Variants in FDFT1 observed in about 807,000 individuals in gnomAD.
FDFT1 encodes squalene synthase.
In FDFT1, 68 loss-of-function variants were observed where a neutral mutation model predicts 46.8. The ratio of observed to expected loss-of-function variants is 1.45; its 90% CI spans 1.19 to 1.78. The LOEUF (loss-of-function observed/expected upper bound fraction) is 1.78, where lower values mean the gene tolerates loss of function less well. Among genes scored for constraint, FDFT1 ranks in the 40% most tolerant of loss-of-function variants. The pLI, the probability that FDFT1 is intolerant of heterozygous loss-of-function variation, is 0.00. For synonymous variants in FDFT1, 351 were observed against 185.1 expected (o/e 1.90, Z -7.28); for missense variants, 928 against 524.4 (o/e 1.77, Z -7.52).
At chr8:11,816,428 G>A (rs1052104698) in intron 3 of FDFT1, among the ~76,000 whole-genome samples, 1 of 152,132 alleles carries the variant, frequency 6.6e-6, no homozygotes, top group Non-Finnish European at 1.5e-5. Flanking sequence ...GCTTGATGGG[G>A]ATAGCATTGA....
chr8:11,825,392 T>A (rs112315893), intron 4 of FDFT1, among the ~76,000 whole-genome samples: 20,322 of 151,934 alleles, frequency 0.13, 1,472 homozygotes, highest in Middle Eastern at 0.16. Context: ...AAATAAAAAA[T>A]TAGCTGGATG....
intron 7 of FDFT1, among the ~76,000 whole-genome samples, chr8:11,837,779 C>T (rs1296865366): frequency 2.0e-5 from 3 of 152,128 alleles, no homozygotes; most frequent in Middle Eastern, 3.2e-3. Flanking sequence ...ACTGAGATAG[C>T]TCATCTGAGA....
intron 2 of FDFT1, chr8:11,809,458 T>C (rs1807394633): frequency 7.8e-7 from 1 of 1,290,182 alleles, no homozygotes; most frequent in East Asian, 3.1e-5. Flanking sequence ...CTAGTAGGCT[T>C]TTTAATAAAC....
At chr8:11,823,291 G>C (rs1428884441) in intron 4 of FDFT1, among the ~76,000 whole-genome samples, 1 of 152,064 alleles carries the variant, frequency 6.6e-6, no homozygotes, top group Non-Finnish European at 1.5e-5. Flanking sequence ...GGGGGAAGAT[G>C]AATTATATAA....
chr8:11,808,857 G>A lies in FDFT1; in HGVS notation c.163G>A (p.Ala55Thr), dbSNP rs767263162. Residue 55 changes from alanine (A) to threonine (T), a missense_variant, in exon 2 of 8, where the codon GCA becomes ACA. Transcript: ENST00000220584. The stretch of plus-strand genomic sequence containing the variant: ...TCTCAATCAGACCAGTCGCAGTTTC[G>A]CAGCTGTTATCCAGGCGCTGGATGG... ...KYLNQTSRSF[A>T]AVIQALDGEM... 6 of 1,614,032 alleles carry A rather than the reference G, an allele frequency of 3.7e-6. No homozygotes were observed. The highest frequency in any genetic ancestry group is 2.2e-5 in the East Asian group (1 of 44,880).
Position 11,838,475 on chromosome 8 carries a change from T to A in FDFT1, c.1120T>A (p.Cys374Ser), listed in dbSNP as rs775446844. The A allele has an allele frequency of 6.2e-7, 1 of 1,606,336 alleles. No individual in the cohort carries two copies. Residue 374 changes from cysteine to serine, a missense_variant, in exon 8 of 8, where the codon TGT becomes AGT. By Grantham distance (112) the Cys-to-Ser change is moderately radical (BLOSUM62 -1). Transcript: ENST00000220584. ...STIRTQNLPN[C>S]QLISRSHYSP... is the part of the protein sequence containing the mutation. ...CATCCGGACGCAGAATCTTCCCAAC[T>A]GTCAGCTGATTTCCCGAAGCCACTA... is the stretch of plus-strand genomic sequence containing the variant.
chr8:11,808,908 G>T lies in FDFT1; in HGVS notation c.197+17G>T, dbSNP rs374069244. On this transcript the variant is annotated intron_variant, in intron 2 of 7. Transcript: ENST00000220584. ...GGAAATGCGGTGAGTGATGGAGGCAGCGCCTCTGGCTTGGAGGAAAGCTTG... is the reference window on the plus strand; with the variant it reads ...GGAAATGCGGTGAGTGATGGAGGCATCGCCTCTGGCTTGGAGGAAAGCTTG... 4.9e-5 allele frequency: 79 copies of T among 1,610,396 alleles called. 1 individual carries two copies. In the South Asian group the frequency reaches 8.3e-4, roughly 17 times the overall value.
intron 2 of FDFT1, 31 bp from the exon 3 acceptor site, chr8:11,809,636 C>T (rs780448148): frequency 9.1e-6 from 14 of 1,546,514 alleles, no homozygotes; most frequent in Non-Finnish European, 1.2e-5. Flanking sequence ...CTGTTTGTTC[C>T]AATATATTAA....
intron 1 of FDFT1, chr8:11,803,456 C>T (rs978925293): frequency 2.3e-6 from 3 of 1,279,102 alleles, no homozygotes; most frequent in South Asian, 1.3e-5. Flanking sequence ...AATCGCCTAT[C>T]TACGCTTCCA....
intron 1 of FDFT1, among the ~76,000 whole-genome samples, chr8:11,804,048 TGAC>T (rs769837605): frequency 1.1e-4 from 16 of 152,258 alleles, no homozygotes; most frequent in East Asian, 3.8e-4. Flanking sequence ...AACAAATATT[TGAC>T]GACCAGTTGT....
chr8:11,823,028 C>G (rs1242973722), intron 4 of FDFT1, among the ~76,000 whole-genome samples: 2 of 152,052 alleles, frequency 1.3e-5, no homozygotes, highest in East Asian at 3.9e-4. Flanking sequence ...GATCACGGCT[C>G]CCCGCAGCCT....
At chr8:11,803,551 G>T in intron 1 of FDFT1, 1 of 1,083,000 alleles carries the variant, frequency 9.2e-7, no homozygotes, top group South Asian at 1.6e-5. Flanking sequence ...ATTTTTATCT[G>T]CCTCATGCCT....
intron 4 of FDFT1, among the ~76,000 whole-genome samples, chr8:11,825,098 T>C (rs906306226): frequency 1.3e-5 from 2 of 152,204 alleles, no homozygotes; most frequent in African/African-American, 4.8e-5. Flanking sequence ...TTTCATATAA[T>C]GATGATTTTG....
At chr8:11,797,437 C>G (rs543066843), upstream of FDFT1, among the ~76,000 whole-genome samples, 14 of 152,202 alleles carry the variant, frequency 9.2e-5, 1 homozygote, top group African/African-American at 3.4e-4. Context: ...ATTGTAAGCT[C>G]CTTGGGTGTG....
At chr8:11,797,344 C>T (rs1210491290), upstream of FDFT1, among the ~76,000 whole-genome samples, 2 of 152,156 alleles carry the variant, frequency 1.3e-5, no homozygotes, top group African/African-American at 4.8e-5. Flanking sequence ...TCCAAGTGGA[C>T]ACCTAAGTCA....
At chr8:11,817,752 GTCTTT>G (rs577723133) in intron 3 of FDFT1, among the ~76,000 whole-genome samples, 4 of 151,014 alleles carry the variant, frequency 2.6e-5, no homozygotes, top group South Asian at 4.2e-4. Context: ...TGATTCTTCT[GTCTTT>G]TCTTCTTGCT....
At position 11,803,343 on chromosome 8, in the gene FDFT1, T is replaced by G. The variant is rs1806386454; in HGVS notation, c.99+412T>G. ...GCAGATAACATCACATGAAGGCCGTTTCTGGAATGAAGTCTGACTCCTCCA... is the reference window on the plus strand; with the variant it reads ...GCAGATAACATCACATGAAGGCCGTGTCTGGAATGAAGTCTGACTCCTCCA... On this transcript the variant is annotated intron_variant, in intron 1 of 7. Coordinates refer to ENST00000220584, the MANE Select transcript of FDFT1 (RefSeq NM_004462.5). 3.1e-6 allele frequency: 4 copies of G among 1,291,528 alleles called. No individual in the cohort carries two copies. The South Asian group carries it at 4.9e-5, about 16-fold the overall frequency. 80.0% of individuals were successfully genotyped at this position (1,291,528 alleles called of 1,614,324 possible).
intron 3 of FDFT1, among the ~76,000 whole-genome samples, chr8:11,810,281 A>G (rs1807520573): frequency 6.6e-6 from 1 of 152,156 alleles, no homozygotes. Flanking sequence ...TAGCTCACAA[A>G]AGCCTGCCGA....
chr8:11,802,065 G>T (rs1273889847), upstream of FDFT1: 3 of 455,670 alleles, frequency 6.6e-6, no homozygotes, highest in East Asian at 1.4e-4. Context: ...GGCTCTCTAA[G>T]GCTTCAGCTC....
Sources: allele counts gnomAD v4.1 joint callset (sites outside exome capture counted in the v4.1 genomes callset), GRCh38; gene constraint gnomAD v4.1.1; transcripts MANE v1.5; gene names NCBI Gene and HGNC (gene_info 2026-07-23, HGNC 2026-07-21).